The following CBFA2T2 variants were observed in gnomAD, a reference collection of about 807,000 sequenced individuals.
CBFA2T2 encodes protein CBFA2T2.
A neutral mutation model predicts 62.2 loss-of-function variants in CBFA2T2; 11 were observed. The observed-to-expected ratio is 0.18, with a 90% CI of 0.11 to 0.29. The LOEUF is 0.29. Among genes scored for constraint, CBFA2T2 ranks in the 10% least tolerant of loss-of-function variants. CBFA2T2 has a pLI of 1.00. For missense variants in CBFA2T2, 592 were observed against 774.1 expected (o/e 0.76, Z 2.79); for synonymous variants, 295 against 287.5 (o/e 1.03, Z -0.27).
intron 8 of CBFA2T2, among the ~76,000 whole-genome samples, chr20:33,630,784 G>A (rs1211930201): frequency 1.3e-5 from 2 of 152,194 alleles, no homozygotes; most frequent in Non-Finnish European, 2.9e-5. Flanking sequence ...GACAGACCTA[G>A]TATGTTCCAT....
At chr20:33,604,679 T>C (rs1601048864) in intron 1 of CBFA2T2, among the ~76,000 whole-genome samples, 1 of 152,220 alleles carries the variant, frequency 6.6e-6, no homozygotes, top group South Asian at 2.1e-4. Flanking sequence ...CTGTTAAAAC[T>C]CATCTCACTG....
intron 1 of CBFA2T2, among the ~76,000 whole-genome samples, chr20:33,598,028 G>A (rs932869909): frequency 4.6e-5 from 7 of 152,130 alleles, no homozygotes; most frequent in African/African-American, 1.4e-4. Flanking sequence ...TTATTAGGGA[G>A]TTTCAAAAGG....
At chr20:33,606,523 C>T (rs1224598952) in intron 1 of CBFA2T2, among the ~76,000 whole-genome samples, 1 of 152,168 alleles carries the variant, frequency 6.6e-6, no homozygotes, top group African/African-American at 2.4e-5. Flanking sequence ...TCCCCTTCTC[C>T]CTCCTGGCTT....
chr20:33,640,579 A>C (rs1040300162), intron 10 of CBFA2T2, 48 bp downstream of exon 10: 6 of 1,558,934 alleles, frequency 3.8e-6, no homozygotes, highest in Non-Finnish European at 4.4e-6. Flanking sequence ...TGGAGTGACC[A>C]CGCCCGCTGC....
At chr20:33,551,336 C>A (rs967033281) in intron 1 of CBFA2T2, among the ~76,000 whole-genome samples, 1 of 151,950 alleles carries the variant, frequency 6.6e-6, no homozygotes. Flanking sequence ...CCTGCCTCAG[C>A]CTCCCAAGTA....
intron 1 of CBFA2T2, among the ~76,000 whole-genome samples, chr20:33,531,333 C>T (rs1386659164): frequency 2.0e-5 from 3 of 152,066 alleles, no homozygotes; most frequent in African/African-American, 7.2e-5. Flanking sequence ...AAGCTCAGAG[C>T]GGGGAAAGCA....
chr20:33,519,567 G>A (rs1359978851), intron 1 of CBFA2T2, among the ~76,000 whole-genome samples: 1 of 152,156 alleles, frequency 6.6e-6, no homozygotes, highest in Non-Finnish European at 1.5e-5. Context: ...GAGCATTGGT[G>A]GATTTTGGTA....
chr20:33,623,018 C>G, intron 4 of CBFA2T2, 97 bp from the exon 5 acceptor site: 2 of 1,160,486 alleles, frequency 1.7e-6, no homozygotes, highest in East Asian at 5.0e-5. Context: ...GAGAGAAAGG[C>G]TTTTATCTTG....
At chr20:33,495,716 A>C (rs1250884253) in intron 1 of CBFA2T2, among the ~76,000 whole-genome samples, 1 of 152,202 alleles carries the variant, frequency 6.6e-6, no homozygotes, top group Non-Finnish European at 1.5e-5. Context: ...TGTAATGGTT[A>C]AGATTTAAAT....
intron 1 of CBFA2T2, among the ~76,000 whole-genome samples, chr20:33,568,603 C>A (rs1289277570): frequency 1.3e-5 from 2 of 152,138 alleles, no homozygotes; most frequent in African/African-American, 2.4e-5. Flanking sequence ...CAGGTGCAGC[C>A]ATTGTTCTGG....
chr20:33,622,763 T>A (rs1351918176), intron 4 of CBFA2T2, among the ~76,000 whole-genome samples: 1 of 152,186 alleles, frequency 6.6e-6, no homozygotes, highest in Non-Finnish European at 1.5e-5. Context: ...GACTCCCACA[T>A]AGGCAGTAGT....
chr20:33,569,574 G>A (rs1213144419), intron 1 of CBFA2T2, among the ~76,000 whole-genome samples: 1 of 152,170 alleles, frequency 6.6e-6, no homozygotes, highest in African/African-American at 2.4e-5. Context: ...CTGATGAATT[G>A]TATTGTGACC....
At chr20:33,555,905 G>T (rs2012884514) in intron 1 of CBFA2T2, among the ~76,000 whole-genome samples, 1 of 151,930 alleles carries the variant, frequency 6.6e-6, no homozygotes, top group African/African-American at 2.4e-5. Context: ...TCATTCTGGT[G>T]CCCAGGCTAG....
At chr20:33,541,475 C>T (rs1199440410) in intron 1 of CBFA2T2, among the ~76,000 whole-genome samples, 1 of 152,166 alleles carries the variant, frequency 6.6e-6, no homozygotes, top group African/African-American at 2.4e-5. Flanking sequence ...ACAGAGAAGC[C>T]GGACTCTATT....
chr20:33,545,439 CTCTTTCTTTCTT>C (rs142619958), intron 1 of CBFA2T2, among the ~76,000 whole-genome samples: 77 of 148,264 alleles, frequency 5.2e-4, no homozygotes, highest in Admixed American at 2.4e-3. Flanking sequence ...CTCTTTCTTT[CTCTTTCTTTCTT>C]TCTTTCTTTC....
chr20:33,628,817 A>C (rs1426728316), intron 7 of CBFA2T2, among the ~76,000 whole-genome samples: 1 of 152,220 alleles, frequency 6.6e-6, no homozygotes, highest in Admixed American at 6.5e-5. Context: ...TGAAGTGAAC[A>C]TAACCACAGC....
At chr20:33,573,915 G>C in intron 1 of CBFA2T2, 1 of 329,292 alleles carries the variant, frequency 3.0e-6, no homozygotes, top group Non-Finnish European at 5.7e-6. Flanking sequence ...CGAATAGCTA[G>C]GACTAGAGGC....
At chr20:33,640,620 A>T in intron 10 of CBFA2T2, 89 bp downstream of exon 10, 2 of 1,210,832 alleles carry the variant, frequency 1.7e-6, no homozygotes, top group Non-Finnish European at 2.4e-6. Context: ...AGGAAGACAC[A>T]GGCAGTCCAC....
chr20:33,579,223 A>T (rs1403706214), intron 1 of CBFA2T2, among the ~76,000 whole-genome samples: 2 of 150,604 alleles, frequency 1.3e-5, no homozygotes, highest in Admixed American at 6.7e-5. Context: ...TTAATTTTTA[A>T]ATTTTTATTC....
Sources: allele counts gnomAD v4.1 joint callset (sites outside exome capture counted in the v4.1 genomes callset), GRCh38; gene constraint gnomAD v4.1.1; transcripts MANE v1.5; gene names NCBI Gene and HGNC (gene_info 2026-07-23, HGNC 2026-07-21).